The following CDH23 variants were observed in gnomAD, a reference collection of about 807,000 sequenced individuals.
The protein encoded by CDH23 is cadherin related 23, also known as cadherin-23.
In CDH23, 189 loss-of-function variants were observed where a neutral mutation model predicts 317.1. The observed-to-expected ratio is 0.60, with a 90% CI of 0.53 to 0.67. The LOEUF (loss-of-function observed/expected upper bound fraction) is 0.67, where lower values mean the gene tolerates loss of function less well. CDH23 is among the 30% of genes least tolerant of loss of function. CDH23 has a pLI of 0.00. For missense variants in CDH23, 4,401 were observed against 4,592.4 expected (o/e 0.96, Z 1.20); for synonymous variants, 1,839 against 1,876.8 (o/e 0.98, Z 0.52).
At position 71,807,685 on chromosome 10, in the gene CDH23, C is replaced by T; in HGVS notation, c.8478C>T (p.Asp2826=). The T allele has an allele frequency of 1.2e-6, 2 of 1,613,756 alleles. No homozygotes were observed. Among genetic ancestry groups the T allele is most frequent in the Non-Finnish European group, 1.7e-6 (2 of 1,179,786 alleles). Residue 2826 remains aspartate (D), a synonymous_variant, in exon 59 of 70, where the codon GAC becomes GAT. Transcript: ENST00000224721. ...CCCCAACCCTCGACCTGGTTGCTGA[C>T]CTCACACTGCAGGAGGTGCGCGTTG... The part of the protein sequence containing the change: ...GPSPTLDLVA[D]LTLQEVRVVL...
chr10:71,447,878 G>T (rs569056579), intron 3 of CDH23, among the ~76,000 whole-genome samples: 2 of 152,212 alleles, frequency 1.3e-5, no homozygotes, highest in African/African-American at 4.8e-5. Flanking sequence ...CAGACCTGGG[G>T]TGGGGCTGGC....
chr10:71,811,542 TC>T lies in CDH23; in HGVS notation c.9232del (p.Leu3078TrpfsTer9). On this transcript the variant is annotated frameshift_variant, in exon 64 of 70. Transcript: ENST00000224721. LOFTEE classifies it high-confidence loss of function. Reference protein sequence around the residue: ...MAIIVLAILLFLAAMLFVLMN... With the variant: ...MAIIVLAILLXLAAMLFVLMN... ...ATCATCGTCCTGGCTATCCTCCTGT[TC>T]CTGGCCGCCATGCTCTTTGTCCTCA... 1 of 1,613,938 alleles carries T rather than the reference TC, an allele frequency of 6.2e-7. No individual in the cohort carries two copies. Among genetic ancestry groups the T allele is most frequent in the Non-Finnish European group, 8.5e-7 (1 of 1,179,878 alleles).
Position 71,798,374 on chromosome 10 carries a change from C to A in CDH23, c.6850C>A (p.Leu2284Met). The change falls in exon 50 of 70, where the codon CTG becomes ATG. Residue 2284 changes from leucine to methionine, a missense_variant. Physicochemically the swap from Leu to Met is conservative, Grantham distance 15. Around this residue, in one of 3 missense-constraint regions of CDH23, gnomAD observed 3,068 missense variants for 3,203.3 expected, o/e 0.96. Coordinates refer to ENST00000224721, the MANE Select transcript of CDH23 (RefSeq NM_022124.6). ...CACAGCCAAGCTGACTGTCAACGTC[C>A]TGGACGTCAATGACAATACGCCCCA... ...VPNAKLTVNV[L>M]DVNDNTPQFK... 6.2e-7 allele frequency: 1 copy of A among 1,613,818 alleles called. No homozygotes were observed.
intron 44 of CDH23, among the ~76,000 whole-genome samples, chr10:71,786,222 G>C (rs1023671678): frequency 2.0e-5 from 3 of 152,214 alleles, no homozygotes; most frequent in Admixed American, 6.5e-5. Flanking sequence ...CTTGACTAAA[G>C]GGAGGTGGAT....
chr10:71,468,592 A>G lies in CDH23; in HGVS notation c.145+22197A>G, dbSNP rs147565780. ...AGGCTGCACTTGCCCTGCCCTGTTC[A>G]GCTCTGGCTTCTGCCACCTTTTCCC... On this transcript the variant is annotated intron_variant, in intron 3 of 69. Transcript: ENST00000224721. Among the ~76,000 whole-genome samples, 983 of 152,320 alleles carry G rather than the reference A, an allele frequency of 6.5e-3. 14 individuals carry two copies. Among genetic ancestry groups the G allele is most frequent in the African/African-American group, 0.022 (934 of 41,574 alleles).
intron 38 of CDH23, chr10:71,755,483 G>T (rs780960987): frequency 2.5e-6 from 4 of 1,599,086 alleles, no homozygotes; most frequent in Non-Finnish European, 2.6e-6. Context: ...GGGCAGAGAG[G>T]TAGCCAAGGT....
chr10:71,406,575 T>C (rs753815956), intron 1 of CDH23, among the ~76,000 whole-genome samples: 1 of 152,226 alleles, frequency 6.6e-6, no homozygotes, highest in Non-Finnish European at 1.5e-5. Flanking sequence ...GGGCCCCTGC[T>C]ACTGTTTGGT....
intron 9 of CDH23, among the ~76,000 whole-genome samples, chr10:71,595,881 GC>G (rs1372839997): frequency 2.0e-5 from 3 of 152,188 alleles, no homozygotes; most frequent in Non-Finnish European, 4.4e-5. Context: ...CCACTTTCAA[GC>G]CCAGAGGTGA....
chr10:71,764,013 T>C (rs1840466397), intron 38 of CDH23, among the ~76,000 whole-genome samples: 2 of 152,174 alleles, frequency 1.3e-5, no homozygotes, highest in African/African-American at 2.4e-5. Flanking sequence ...CCCCAGATTT[T>C]TGGAGTCATT....
At chr10:71,403,322 CCTTCCTTTCTTTCTTTCTTTCTTTCTTT>C (rs1201969784) in intron 1 of CDH23, among the ~76,000 whole-genome samples, 3 of 92,358 alleles carry the variant, frequency 3.2e-5, no homozygotes, top group Admixed American at 9.3e-5. Context: ...TTTCTTCCTT[CCTTCCTTTCTTTCTTTCTTTCTTTCTTT>C]CTTTCTTTCT....
chr10:71,815,338 C>G lies in CDH23; in HGVS notation c.*60C>G, dbSNP rs559880487. ...CCATCCACCGTCCCCTCCCAGGGAG[C>G]AAGGGCAGGGACAGGGCCGGTCGGG... On this transcript the variant is annotated 3_prime_UTR_variant, in exon 70 of 70. Coordinates refer to ENST00000224721, the MANE Select transcript of CDH23 (RefSeq NM_022124.6). 1.4e-6 allele frequency: 2 copies of G among 1,457,272 alleles called. No homozygotes were observed. The highest frequency in any genetic ancestry group is 2.8e-5 in the African/African-American group (2 of 70,414). The allele number at this position is 1,457,272 out of a possible 1,614,324, so 90.3% of individuals were successfully genotyped here.
At chr10:71,425,232 G>GAGAGAGAGAGAGAGA (rs1849006230) in intron 1 of CDH23, among the ~76,000 whole-genome samples, 6 of 73,960 alleles carry the variant, frequency 8.1e-5, no homozygotes, top group African/African-American at 2.3e-4. Flanking sequence ...AGAGAGAGAG[G>GAGAGAGAGAGAGAGA]GAGAGAGAGA....
chr10:71,811,388 C>T lies in CDH23; in HGVS notation c.9151C>T (p.Gln3051Ter), dbSNP rs1242140519. The T allele has an allele frequency of 6.2e-7, 1 of 1,613,792 alleles. No homozygotes were observed. Among genetic ancestry groups the T allele is most frequent in the Non-Finnish European group, 8.5e-7 (1 of 1,179,748 alleles). The change falls in exon 63 of 70, where the codon CAG becomes TAG. Residue 3051 changes from glutamine (Q) to a stop codon, truncating the protein, a stop_gained. Coordinates refer to ENST00000224721, the MANE Select transcript of CDH23 (RefSeq NM_022124.6). LOFTEE classifies it high-confidence loss of function. ...LFRNYNVLDV[Q>*]PAISVRLPDD... is the part of the protein sequence containing the mutation. ...CCGGAACTACAACGTCCTGGACGTG[C>T]AGCCTGCCATCTCTGTCCGGCTGCC... is the stretch of plus-strand genomic sequence containing the variant.
chr10:71,704,894 C>T lies in CDH23; in HGVS notation c.2734-17C>T, dbSNP rs79742451. 3.0e-3 allele frequency: 4,798 copies of T among 1,597,854 alleles called. 154 individuals are homozygous for T. In the African/African-American group the frequency reaches 0.056, roughly 19 times the overall value. On this transcript the variant is annotated splice_polypyrimidine_tract_variant and intron_variant, in intron 24 of 69. Coordinates refer to ENST00000224721, the MANE Select transcript of CDH23 (RefSeq NM_022124.6). ...GTGTCCCCTCCCCACCCTCATGCTG[C>T]CCCTCCTTGCCCTCAGGTGGTGGCC...
chr10:71,734,676 G>A lies in CDH23; in HGVS notation c.4209+18G>A, dbSNP rs749653255. ...TACAGAAGGTGAGTAGCCTGTGGCT[G>A]GAGCTTCCCCTGTGCTGTTGGCTGT... On this transcript the variant is annotated intron_variant, in intron 34 of 69. Coordinates refer to ENST00000224721, the MANE Select transcript of CDH23 (RefSeq NM_022124.6). The A allele has an allele frequency of 7.1e-7, 1 of 1,407,466 alleles. No individual in the cohort carries two copies. The highest frequency in any genetic ancestry group is 1.1e-5 in the South Asian group (1 of 88,090). The allele number at this position is 1,407,466 out of a possible 1,614,324, so 87.2% of individuals were successfully genotyped here.
chr10:71,647,339 T>TA (rs1345403136), intron 14 of CDH23, among the ~76,000 whole-genome samples: 1 of 152,176 alleles, frequency 6.6e-6, no homozygotes, highest in Non-Finnish European at 1.5e-5. Flanking sequence ...GGCACACGCC[T>TA]GTAGTCCCAG....
chr10:71,550,559 C>CAAAAAAAAAAAAAAA (rs1222399834), intron 6 of CDH23, among the ~76,000 whole-genome samples: 3 of 45,754 alleles, frequency 6.6e-5, no homozygotes, highest in Admixed American at 2.3e-4. Context: ...GACCCTGTCT[C>CAAAAAAAAAAAAAAA]AAAAAAAAAA....
intron 11 of CDH23, among the ~76,000 whole-genome samples, chr10:71,641,648 G>C (rs1862557150): frequency 6.6e-6 from 1 of 152,196 alleles, no homozygotes; most frequent in Non-Finnish European, 1.5e-5. Flanking sequence ...AGGAATTCCT[G>C]GGGGAGGGAG....
At chr10:71,690,816 G>A (rs1232866388) in intron 20 of CDH23, among the ~76,000 whole-genome samples, 1 of 152,224 alleles carries the variant, frequency 6.6e-6, no homozygotes. Flanking sequence ...AGGGTGAAGA[G>A]TTGTATTATG....
Sources: allele counts gnomAD v4.1 joint callset (sites outside exome capture counted in the v4.1 genomes callset), GRCh38; gene constraint gnomAD v4.1.1; regional missense constraint gnomAD v4.1.1; transcripts MANE v1.5; gene names NCBI Gene and HGNC (gene_info 2026-07-23, HGNC 2026-07-21).